Variants in STXBP4 observed in about 807,000 individuals in gnomAD.
The protein encoded by STXBP4 is syntaxin binding protein 4, also known as syntaxin-binding protein 4.
A neutral mutation model predicts 76.1 loss-of-function variants in STXBP4; 55 were observed. The observed-to-expected ratio is 0.72, with a 90% CI of 0.58 to 0.91. STXBP4 has a LOEUF of 0.91. STXBP4 is among the 40% of genes least tolerant of loss of function. The pLI is 0.00. For missense variants in STXBP4, 618 were observed against 636.9 expected (o/e 0.97, Z 0.32); for synonymous variants, 201 against 220.2 (o/e 0.91, Z 0.77).
intron 16 of STXBP4, among the ~76,000 whole-genome samples, chr17:55,109,048 T>C (rs1397610198): frequency 6.6e-6 from 1 of 152,202 alleles, no homozygotes; most frequent in Non-Finnish European, 1.5e-5. Flanking sequence ...ATTATTTTAA[T>C]CTAAACTAAT....
chr17:55,011,489 A>G (rs1271824547), intron 8 of STXBP4, among the ~76,000 whole-genome samples: 1 of 100,452 alleles, frequency 1.0e-5, no homozygotes, highest in Non-Finnish European at 2.0e-5. Context: ...TGTGGGATCA[A>G]AGAGTTTATT....
At chr17:55,079,141 T>C (rs2079225582) in intron 15 of STXBP4, among the ~76,000 whole-genome samples, 1 of 152,138 alleles carries the variant, frequency 6.6e-6, no homozygotes, top group Admixed American at 6.6e-5. Flanking sequence ...GGAAAACATA[T>C]TCATGCAATC....
chr17:55,004,816 G>A (rs1300523495), intron 7 of STXBP4, among the ~76,000 whole-genome samples: 2 of 152,008 alleles, frequency 1.3e-5, no homozygotes, highest in Admixed American at 6.6e-5. Context: ...AGAAGGACAA[G>A]AAGGAGAGAG....
the STXBP4 span, among the ~76,000 whole-genome samples, chr17:55,202,258 C>T: frequency 6.6e-6 from 1 of 152,122 alleles, no homozygotes; most frequent in East Asian, 1.9e-4. Flanking sequence ...TCTTGAACAC[C>T]TGATTCATAT....
At chr17:55,059,429 G>C (rs987823024) in intron 12 of STXBP4, among the ~76,000 whole-genome samples, 2 of 152,168 alleles carry the variant, frequency 1.3e-5, no homozygotes, top group Non-Finnish European at 2.9e-5. Flanking sequence ...CAGTGAGTTA[G>C]AGTTCTACCA....
chr17:55,184,815 G>A, the STXBP4 span, among the ~76,000 whole-genome samples: 4 of 152,160 alleles, frequency 2.6e-5, no homozygotes, highest in Non-Finnish European at 5.9e-5. Flanking sequence ...TGGATTAGAT[G>A]GTATTATTGT....
chr17:55,004,164 C>T (rs1185764852), intron 7 of STXBP4, among the ~76,000 whole-genome samples: 1 of 149,856 alleles, frequency 6.7e-6, no homozygotes, highest in Non-Finnish European at 1.5e-5. Context: ...GCCTGGGTGA[C>T]ATAGCAAGAT....
downstream of STXBP4, among the ~76,000 whole-genome samples, chr17:55,175,800 A>G (rs138135075): frequency 1.3e-5 from 2 of 152,308 alleles, no homozygotes; most frequent in East Asian, 3.9e-4. Flanking sequence ...ATAGAAAGAG[A>G]TGAGGCCATC....
chr17:55,053,675 T>G (rs1013734174), intron 12 of STXBP4, among the ~76,000 whole-genome samples: 1 of 152,162 alleles, frequency 6.6e-6, no homozygotes, highest in African/African-American at 2.4e-5. Flanking sequence ...CGGACCCTCA[T>G]TTTATTAAAT....
intron 17 of STXBP4, among the ~76,000 whole-genome samples, chr17:55,157,362 A>G (rs894073892): frequency 2.0e-4 from 30 of 152,304 alleles, no homozygotes; most frequent in African/African-American, 6.7e-4. Flanking sequence ...TACACTCATT[A>G]GTATTTCTTT....
chr17:54,975,872 C>CT lies in STXBP4; in HGVS notation c.-157+7063dup, dbSNP rs538405266. On this transcript the variant is annotated intron_variant, in intron 1 of 17. Coordinates refer to ENST00000376352, the MANE Select transcript of STXBP4 (RefSeq NM_178509.6). ...CTGCCTGGAATGCTTTGTCCCTCAGCTTTTTTCACAGATGACTTATTATTT... is the reference window on the plus strand; with the variant it reads ...CTGCCTGGAATGCTTTGTCCCTCAGCTTTTTTTCACAGATGACTTATTATTT... Among the ~76,000 whole-genome samples the CT allele has an allele frequency of 2.4e-3, 369 of 152,286 alleles. 1 individual carries two copies. Among genetic ancestry groups the CT allele is most frequent in the Middle Eastern group, 6.8e-3 (2 of 294 alleles).
chr17:55,050,291 A>T (rs938636111), intron 12 of STXBP4, among the ~76,000 whole-genome samples: 1 of 152,112 alleles, frequency 6.6e-6, no homozygotes, highest in Admixed American at 6.6e-5. Context: ...CCAAAATTAT[A>T]TAGAAAAATA....
At chr17:55,046,409 G>A (rs905742591) in intron 11 of STXBP4, among the ~76,000 whole-genome samples, 2 of 151,734 alleles carry the variant, frequency 1.3e-5, no homozygotes. Context: ...TTTAATGTTC[G>A]AGCAATTCCT....
intron 1 of STXBP4, 65 bp from the exon 2 acceptor site, chr17:54,985,549 A>G (rs1234779640): frequency 6.6e-6 from 1 of 152,230 alleles, no homozygotes; most frequent in East Asian, 1.9e-4. Flanking sequence ...TGACACCACT[A>G]TTCTCTGTAA....
chr17:55,016,664 A>G (rs977444847), intron 8 of STXBP4, among the ~76,000 whole-genome samples: 4 of 152,120 alleles, frequency 2.6e-5, no homozygotes, highest in East Asian at 1.9e-4. Context: ...GGAACCTTCT[A>G]TTGTCCTGAA....
In STXBP4 at chr17:55,046,454, C is replaced by T. The variant is rs546011834; in HGVS notation, c.946-635C>T. On this transcript the variant is annotated intron_variant, in intron 11 of 17. Coordinates refer to ENST00000376352, the MANE Select transcript of STXBP4 (RefSeq NM_178509.6). ...TTTGTATTTAATGGCTCTTAAATTACTCTTAGTATTTCTGATTTGACCAAT... is the reference window on the plus strand; with the variant it reads ...TTTGTATTTAATGGCTCTTAAATTATTCTTAGTATTTCTGATTTGACCAAT... Among the ~76,000 whole-genome samples the T allele has an allele frequency of 3.3e-5, 5 of 151,926 alleles. No individual in the cohort carries two copies. The South Asian group carries it at 1.0e-3, about 32-fold the overall frequency.
rs2079151715 is a variant in STXBP4, at chr17:55,073,966, A to G, written c.1188+890A>G. Among the ~76,000 whole-genome samples the G allele has an allele frequency of 2.0e-5, 3 of 152,112 alleles. No homozygotes were observed. In the South Asian group the frequency reaches 6.2e-4, roughly 31 times the overall value. On this transcript the variant is annotated intron_variant, in intron 13 of 17. Coordinates refer to ENST00000376352, the MANE Select transcript of STXBP4 (RefSeq NM_178509.6). ...TTTATGCAATTTTTTTTTACATAAT[A>G]CATACTATATTCAGTGAAGAGGCTT...
rs192007934 is a variant in STXBP4, at chr17:55,075,234, C to T, written c.1188+2158C>T. Reference sequence around the variant, plus strand: ...TACTACTTGTGTATATATTCCTTAACAATATGTTGTTTAGTTTTACCTGTT... The same window carrying T: ...TACTACTTGTGTATATATTCCTTAATAATATGTTGTTTAGTTTTACCTGTT... On this transcript the variant is annotated intron_variant, in intron 13 of 17. Coordinates refer to ENST00000376352, the MANE Select transcript of STXBP4 (RefSeq NM_178509.6). Among the ~76,000 whole-genome samples, 292 of 152,078 alleles carry T rather than the reference C, an allele frequency of 1.9e-3. 1 individual carries two copies. In the Middle Eastern group the frequency reaches 0.02, roughly 11 times the overall value.
chr17:55,115,792 A>G (rs1365027407), intron 16 of STXBP4, among the ~76,000 whole-genome samples: 1 of 152,022 alleles, frequency 6.6e-6, no homozygotes, highest in African/African-American at 2.4e-5. Flanking sequence ...GCAGACCTGA[A>G]TAATAGGAAC....
Sources: gnomAD v4.1 joint callset for allele counts (sites outside exome capture counted in the v4.1 genomes callset) on GRCh38, gnomAD v4.1.1 for gene constraint, MANE v1.5 for transcripts, NCBI Gene and HGNC (gene_info 2026-07-23, HGNC 2026-07-21) for gene names.